The following FH variants were observed in gnomAD, a reference collection of about 807,000 sequenced individuals.
The protein encoded by FH is fumarate hydratase, also known as fumarate hydratase, mitochondrial.
A neutral mutation model predicts 49.4 loss-of-function variants in FH; 22 were observed. The ratio of observed to expected loss-of-function variants is 0.45; its 90% confidence interval spans 0.32 to 0.64. The LOEUF (loss-of-function observed/expected upper bound fraction) is 0.64. Ranked by LOEUF, FH falls within the 30% of genes least tolerant of loss-of-function variation. The pLI is 0.05. For missense variants in FH, 526 were observed against 641.5 expected (o/e 0.82, Z 1.95); for synonymous variants, 208 against 223.0 (o/e 0.93, Z 0.60).
chr1:241,517,991 A>C (rs1172656458), intron 1 of FH, among the ~76,000 whole-genome samples: 1 of 152,180 alleles, frequency 6.6e-6, no homozygotes, highest in East Asian at 1.9e-4. Context: ...ACAAGAATAA[A>C]ACACTGCCTG....
At chr1:241,500,860 A>C (rs1490539994) in intron 8 of FH, among the ~76,000 whole-genome samples, 2 of 152,252 alleles carry the variant, frequency 1.3e-5, no homozygotes, top group African/African-American at 4.8e-5. Flanking sequence ...GCCCATAGCA[A>C]GTATTTAAAA....
chr1:241,507,533 C>T (rs1247161458), intron 5 of FH, among the ~76,000 whole-genome samples: 1 of 152,020 alleles, frequency 6.6e-6, no homozygotes, highest in Non-Finnish European at 1.5e-5. Flanking sequence ...AGTATAAATG[C>T]TTCTGATAAA....
intron 3 of FH, 33 bp downstream of exon 3, chr1:241,513,570 G>C: frequency 6.7e-7 from 1 of 1,482,830 alleles, no homozygotes; most frequent in Non-Finnish European, 9.4e-7. Context: ...ATGGGTCTGA[G>C]GTTATTAAGC....
rs1391140770 is a variant in FH at position 241,504,079 on chromosome 1, G to A, written c.1071C>T (p.Ile357=). ...SGPRSGLGEL[I]LPENEPGSSI... ...TGCTTCCTGGTTCATTTTCAGGCAA[G>A]ATCAATTCTCCCAGACCTGACCGAG... is the stretch of plus-strand genomic sequence containing the variant. The change falls in exon 7 of 10, where the codon ATC becomes ATT. Residue 357 remains isoleucine (I), a synonymous_variant. Transcript: ENST00000366560. 1.2e-6 allele frequency: 2 copies of A among 1,614,078 alleles called. No individual in the cohort carries two copies. Among genetic ancestry groups the A allele is most frequent in the African/African-American group, 2.7e-5 (2 of 74,940 alleles).
At chr1:241,498,056 T>A (rs1659670427) in intron 9 of FH, 86 bp from the exon 10 acceptor site, 1 of 1,317,856 alleles carries the variant, frequency 7.6e-7, no homozygotes, top group Admixed American at 1.7e-5. Context: ...GTTTACTTGA[T>A]ATTGATGCTA....
chr1:241,516,876 C>A (rs1452709976), intron 2 of FH, among the ~76,000 whole-genome samples: 1 of 151,906 alleles, frequency 6.6e-6, no homozygotes, highest in African/African-American at 2.4e-5. Flanking sequence ...TGGTCTCGAT[C>A]TCTTGACCTC....
In FH at chr1:241,497,733, T is replaced by C. The variant is rs148641217; in HGVS notation, c.*95A>G. On this transcript the variant is annotated 3_prime_UTR_variant, in exon 10 of 10. Coordinates refer to ENST00000366560, the MANE Select transcript of FH (RefSeq NM_000143.4). ...CTCTGCTAGAGATGCTTAAGTTCAA[T>C]AGCAGTTTCCTTTCAAACTTATCCG... is the stretch of plus-strand genomic sequence containing the variant. 6.8e-4 allele frequency: 789 copies of C among 1,152,148 alleles called. 3 individuals are homozygous for C. In the African/African-American group the frequency reaches 1.0e-2, roughly 15 times the overall value. 71.4% of individuals were successfully genotyped at this position (1,152,148 alleles called of 1,614,324 possible). A position where few individuals can be genotyped will look rare whatever the true frequency, so the allele number is the denominator to read the frequency against.
At chr1:241,505,849 A>T (rs950732384) in intron 6 of FH, among the ~76,000 whole-genome samples, 154 bp downstream of exon 6, 6 of 152,260 alleles carry the variant, frequency 3.9e-5, no homozygotes, top group Non-Finnish European at 7.3e-5. Context: ...AATTAACATT[A>T]TAACTTCAGA....
intron 5 of FH, 35 bp from the exon 6 acceptor site, chr1:241,506,203 A>ATTAGGAATTACTT: frequency 6.7e-7 from 1 of 1,489,744 alleles, no homozygotes; most frequent in Non-Finnish European, 9.3e-7. Flanking sequence ...AAGAATAAGT[A>ATTAGGAATTACTT]ATTCCTAATA....
intron 1 of FH, chr1:241,519,257 GCGCGCCAGCAGCAGCGAAGTTA>G (rs1660302217): frequency 3.5e-6 from 1 of 285,342 alleles, no homozygotes; most frequent in Non-Finnish European, 6.6e-6. Context: ...CTGGGGGCCT[GCGCGCCAGCAGCAGCGAAGTTA>G]CCTCAAAACG....
At chr1:241,513,289 AG>A (rs1660136370) in intron 3 of FH, among the ~76,000 whole-genome samples, 1 of 152,122 alleles carries the variant, frequency 6.6e-6, no homozygotes, top group African/African-American at 2.4e-5. Context: ...GGTTTTAAAA[AG>A]ATTTATATAT....
chr1:241,512,628 C>G (rs867616234), intron 3 of FH, among the ~76,000 whole-genome samples: 2 of 152,092 alleles, frequency 1.3e-5, no homozygotes, highest in Non-Finnish European at 2.9e-5. Context: ...ATACATCCAG[C>G]TTATGTGTTA....
intron 4 of FH, among the ~76,000 whole-genome samples, chr1:241,510,318 C>T (rs1018475292): frequency 4.6e-5 from 7 of 152,040 alleles, no homozygotes; most frequent in African/African-American, 1.5e-4. Flanking sequence ...ACCAGGAAGT[C>T]GGAACACACT....
chr1:241,519,492 C>T (rs905674425), intron 1 of FH, 99 bp downstream of exon 1: 3 of 1,417,854 alleles, frequency 2.1e-6, no homozygotes, highest in Non-Finnish European at 2.8e-6. Context: ...GCCCGGACGC[C>T]CGGGGAATCT....
intron 2 of FH, among the ~76,000 whole-genome samples, chr1:241,515,692 C>A (rs896122784): frequency 6.6e-6 from 1 of 152,192 alleles, no homozygotes; most frequent in African/African-American, 2.4e-5. Context: ...CTATCTACTT[C>A]TAGGCTTACT....
intron 4 of FH, chr1:241,511,765 C>T: frequency 1.8e-6 from 1 of 556,384 alleles, no homozygotes; most frequent in South Asian, 2.4e-5. Flanking sequence ...AATACATACA[C>T]TAAATTCAGG....
At chr1:241,506,258 T>G in intron 5 of FH, 90 bp from the exon 6 acceptor site, 1 of 964,312 alleles carries the variant, frequency 1.0e-6, no homozygotes, top group Non-Finnish European at 1.6e-6. Context: ...TTTTTAAAAA[T>G]ACCTTTCAGA....
intron 4 of FH, 120 bp downstream of exon 4, chr1:241,511,846 GA>G: frequency 1.1e-6 from 1 of 933,346 alleles, no homozygotes. Flanking sequence ...AGAACCATAA[GA>G]AGCCTTATCC....
rs181394688 is a variant in FH at position 241,497,610 on chromosome 1, C to G, written c.*218G>C. The G allele has an allele frequency of 2.2e-6, 1 of 455,934 alleles. No individual in the cohort carries two copies. Among genetic ancestry groups the G allele is most frequent in the Admixed American group, 3.7e-5 (1 of 26,962 alleles). 28.2% of individuals were successfully genotyped at this position (455,934 alleles called of 1,614,324 possible). A position where few individuals can be genotyped will look rare whatever the true frequency, so the allele number is the denominator to read the frequency against. Reference sequence around the variant, plus strand: ...AATTAACATAGGAGAAAATTTAAGTCTGTTTTCCTTTTTATTTTATAAATG... The same window carrying G: ...AATTAACATAGGAGAAAATTTAAGTGTGTTTTCCTTTTTATTTTATAAATG... On this transcript the variant is annotated 3_prime_UTR_variant, in exon 10 of 10. Coordinates refer to ENST00000366560, the MANE Select transcript of FH (RefSeq NM_000143.4).
Sources: allele counts gnomAD v4.1 joint callset (sites outside exome capture counted in the v4.1 genomes callset), GRCh38; gene constraint gnomAD v4.1.1; transcripts MANE v1.5; gene names NCBI Gene and HGNC (gene_info 2026-07-23, HGNC 2026-07-21).